Variants in MECOM observed in about 807,000 individuals in gnomAD.
The protein encoded by MECOM is MDS1 and EVI1 complex locus, also known as histone-lysine N-methyltransferase MECOM.
MECOM carries 13 observed loss-of-function variants against 116.3 expected under a neutral mutation model. The observed-to-expected ratio is 0.11, with a 90% CI of 0.07 to 0.18. MECOM has a LOEUF of 0.18. Among genes scored for constraint, MECOM ranks in the 10% least tolerant of loss-of-function variants. The pLI is 1.00. For synonymous variants in MECOM, 528 were observed against 535.2 expected (o/e 0.99, Z 0.19); for missense variants, 1,299 against 1,509.0 (o/e 0.86, Z 2.31).
At chr3:169,343,129 C>G (rs992769167) in intron 2 of MECOM, among the ~76,000 whole-genome samples, 2 of 152,130 alleles carry the variant, frequency 1.3e-5, no homozygotes, top group African/African-American at 4.8e-5. Context: ...AACCTTTTCT[C>G]AGAGACCCAT....
intron 2 of MECOM, among the ~76,000 whole-genome samples, chr3:169,260,761 A>G (rs544393890): frequency 2.6e-5 from 4 of 152,348 alleles, no homozygotes; most frequent in South Asian, 2.1e-4. Context: ...GGGTCAATAT[A>G]GGAGCTTCTG....
intron 2 of MECOM, among the ~76,000 whole-genome samples, chr3:169,339,962 G>C (rs1238097873): frequency 6.6e-6 from 1 of 152,112 alleles, no homozygotes; most frequent in African/African-American, 2.4e-5. Context: ...GGATGTAAGA[G>C]GAAGAACAAG....
At chr3:169,215,763 G>T (rs1052017291) in intron 2 of MECOM, among the ~76,000 whole-genome samples, 1 of 152,118 alleles carries the variant, frequency 6.6e-6, no homozygotes, top group Non-Finnish European at 1.5e-5. Flanking sequence ...CCTACAGAAG[G>T]CCTAATATTG....
chr3:169,628,789 T>C (rs1199762461), intron 1 of MECOM, among the ~76,000 whole-genome samples: 1 of 152,138 alleles, frequency 6.6e-6, no homozygotes, highest in Non-Finnish European at 1.5e-5. Context: ...GCATTCCCTG[T>C]CCATGCTAGA....
intron 2 of MECOM, among the ~76,000 whole-genome samples, chr3:169,294,811 T>C (rs546928158): frequency 1.3e-5 from 2 of 152,300 alleles, no homozygotes; most frequent in East Asian, 3.9e-4. Flanking sequence ...ACGTCCTGAC[T>C]GTGCCCAAAC....
chr3:169,172,187 G>T (rs1175999243), intron 2 of MECOM, among the ~76,000 whole-genome samples: 2 of 151,636 alleles, frequency 1.3e-5, no homozygotes, highest in African/African-American at 4.8e-5. Context: ...TAATTCATGT[G>T]TAAGAACTGG....
intron 2 of MECOM, among the ~76,000 whole-genome samples, chr3:169,354,646 T>C (rs769598162): frequency 2.2e-4 from 34 of 151,942 alleles, no homozygotes; most frequent in Non-Finnish European, 4.3e-4. Context: ...AGAATTCGTG[T>C]TTTATGGCTA....
chr3:169,266,817 T>C (rs914801295), intron 2 of MECOM, among the ~76,000 whole-genome samples: 4 of 152,188 alleles, frequency 2.6e-5, no homozygotes, highest in Non-Finnish European at 5.9e-5. Flanking sequence ...TCAATTCCTT[T>C]TCTTTTTTTT....
chr3:169,514,914 G>A (rs746104490), intron 1 of MECOM, among the ~76,000 whole-genome samples: 6 of 152,132 alleles, frequency 3.9e-5, no homozygotes, highest in Non-Finnish European at 7.4e-5. Context: ...ATAGAAATAA[G>A]CAAGATAATT....
At chr3:169,307,793 C>A (rs1016222646) in intron 2 of MECOM, among the ~76,000 whole-genome samples, 4 of 152,094 alleles carry the variant, frequency 2.6e-5, no homozygotes, top group African/African-American at 9.7e-5. Flanking sequence ...TATAGGGAAC[C>A]ACTGCTCCTA....
At chr3:169,477,828 G>T (rs1750721798) in intron 1 of MECOM, among the ~76,000 whole-genome samples, 1 of 152,136 alleles carries the variant, frequency 6.6e-6, no homozygotes, top group Non-Finnish European at 1.5e-5. Flanking sequence ...GCTTCAATAA[G>T]ACATATTATC....
chr3:169,186,970 A>G (rs1190417279), intron 2 of MECOM, among the ~76,000 whole-genome samples: 1 of 152,192 alleles, frequency 6.6e-6, no homozygotes, highest in Non-Finnish European at 1.5e-5. Context: ...TGCAGTGATG[A>G]TCAATATTCA....
At chr3:169,651,570 G>A (rs1186296227) in intron 1 of MECOM, among the ~76,000 whole-genome samples, 5 of 152,036 alleles carry the variant, frequency 3.3e-5, no homozygotes, top group South Asian at 2.1e-4. Flanking sequence ...TGATGTTCTC[G>A]CTGATATATG....
chr3:169,378,461 GCAAGCAAGCA>G (rs1223390927), intron 2 of MECOM, among the ~76,000 whole-genome samples: 2 of 47,718 alleles, frequency 4.2e-5, no homozygotes, highest in Non-Finnish European at 3.6e-5. Context: ...AGGAAAGCAA[GCAAGCAAGCA>G]AGCAAGAAAG....
intron 11 of MECOM, 24 bp downstream of exon 11, chr3:169,102,036 A>G: frequency 6.3e-7 from 1 of 1,576,214 alleles, no homozygotes; most frequent in African/African-American, 1.4e-5. Context: ...CTGGAAAGTC[A>G]GCCATAATTA....
In MECOM at chr3:169,179,166, A is replaced by C. The variant is rs933711516; in HGVS notation, c.376-35334T>G. On this transcript the variant is annotated intron_variant, in intron 2 of 16. Coordinates refer to ENST00000651503, the MANE Select transcript of MECOM (RefSeq NM_004991.4). The stretch of plus-strand genomic sequence containing the variant: ...GCTACTCATGTGCTTTCTTTTCTCT[A>C]TATATAGCTATGTGTCACCCATGCC... 3.9e-5 allele frequency among the ~76,000 whole-genome samples: 6 copies of C among 152,158 alleles called. No individual in the cohort carries two copies. The South Asian group carries it at 6.2e-4, about 16-fold the overall frequency.
At chr3:169,113,370 T>A (rs1407840032) in intron 8 of MECOM, among the ~76,000 whole-genome samples, 1 of 151,492 alleles carries the variant, frequency 6.6e-6, no homozygotes, top group Non-Finnish European at 1.5e-5. Flanking sequence ...TGAGGTTCTC[T>A]CTCTCTCAAT....
intron 2 of MECOM, among the ~76,000 whole-genome samples, chr3:169,247,659 A>C (rs1481411118): frequency 6.6e-6 from 1 of 152,244 alleles, no homozygotes; most frequent in East Asian, 1.9e-4. Context: ...ATGTAATTGC[A>C]TTTCAAGTTT....
rs1764008305 is a variant in MECOM at position 169,572,355 on chromosome 3, G to C, written c.37+90981C>G. Among the ~76,000 whole-genome samples the C allele has an allele frequency of 1.3e-5, 2 of 152,240 alleles. 1 individual carries two copies. Among genetic ancestry groups the C allele is most frequent in the South Asian group, 4.1e-4 (2 of 4,830 alleles). ...GTCAGGAAACAACAGATGCTGGAGAGGATGTGGAGAAATAGGAACACTTTT... is the reference window on the plus strand; with the variant it reads ...GTCAGGAAACAACAGATGCTGGAGACGATGTGGAGAAATAGGAACACTTTT... On this transcript the variant is annotated intron_variant, in intron 1 of 16. Coordinates refer to ENST00000651503, the MANE Select transcript of MECOM (RefSeq NM_004991.4).
Sources: allele counts gnomAD v4.1 joint callset (sites outside exome capture counted in the v4.1 genomes callset), GRCh38; gene constraint gnomAD v4.1.1; transcripts MANE v1.5; gene names NCBI Gene and HGNC (gene_info 2026-07-23, HGNC 2026-07-21).